UTP6: variants seen among roughly 807,000 people sequenced by gnomAD.
UTP6 encodes the protein UTP6 small subunit processome component.
Under a neutral mutation model 96.5 loss-of-function variants are expected in UTP6, and 60 were observed. The ratio of observed to expected loss-of-function variants is 0.62; its 90% CI spans 0.51 to 0.77. UTP6 has a LOEUF of 0.77. Among genes scored for constraint, UTP6 ranks in the 30% least tolerant of loss-of-function variants. UTP6 has a pLI of 0.00. For synonymous variants in UTP6, 215 were observed against 240.1 expected (o/e 0.90, Z 0.96); for missense variants, 637 against 706.5 (o/e 0.90, Z 1.12).
At position 31,892,799 on chromosome 17, in the gene UTP6, A is replaced by G. The variant is rs1240755160; in HGVS notation, c.313-5T>C. ...GAGCCAAAGTTGAACATCGTCCTGC[A>G]AGAAAAGCAATGTAGTAAGCTGCCC... is the stretch of plus-strand genomic sequence containing the variant. On this transcript the variant is annotated splice_polypyrimidine_tract_variant and splice_region_variant and intron_variant, in intron 4 of 18. Coordinates refer to ENST00000261708, the MANE Select transcript of UTP6 (RefSeq NM_018428.3). 5.6e-6 allele frequency: 9 copies of G among 1,614,056 alleles called. No individual in the cohort carries two copies. The highest frequency in any genetic ancestry group is 7.6e-6 in the Non-Finnish European group (9 of 1,180,026).
intron 14 of UTP6, 151 bp from the exon 15 acceptor site, chr17:31,873,904 G>C (rs1910339425): frequency 1.3e-6 from 1 of 776,860 alleles, no homozygotes; most frequent in Non-Finnish European, 1.9e-6. Context: ...TAAAAAGGCA[G>C]GTTCCTCCTA....
At chr17:31,898,606 G>A (rs1293295143) in intron 2 of UTP6, among the ~76,000 whole-genome samples, 1 of 152,200 alleles carries the variant, frequency 6.6e-6, no homozygotes, top group Non-Finnish European at 1.5e-5. Context: ...GCTGAGGCAG[G>A]AGAATCACTT....
intron 10 of UTP6, among the ~76,000 whole-genome samples, chr17:31,884,143 C>A (rs930282847): frequency 2.6e-5 from 4 of 151,694 alleles, no homozygotes; most frequent in African/African-American, 9.7e-5. Flanking sequence ...GGATTACAGG[C>A]ATGCACTACC....
intron 10 of UTP6, 150 bp from the exon 11 acceptor site, chr17:31,880,904 T>G: frequency 1.3e-4 from 125 of 983,814 alleles, no homozygotes; most frequent in Middle Eastern, 3.4e-4. Context: ...CCGGGCCCGG[T>G]GGCTCACGCC....
At chr17:31,864,903 A>C (rs1387292620) in intron 18 of UTP6, among the ~76,000 whole-genome samples, 1 of 151,998 alleles carries the variant, frequency 6.6e-6, no homozygotes, top group Non-Finnish European at 1.5e-5. Context: ...CCCTGAACTT[A>C]TGATCCTGAA....
At chr17:31,887,600 C>CCT (rs1911224497) in intron 7 of UTP6, 1 of 249,872 alleles carries the variant, frequency 4.0e-6, no homozygotes, top group Admixed American at 5.2e-5. Context: ...GATCCTCCTG[C>CCT]CTCAGCCTCC....
Position 31,862,123 on chromosome 17 carries a change from C to G in UTP6, c.*1236G>C, listed in dbSNP as rs1180154149. 1 of 152,134 alleles carries G rather than the reference C, an allele frequency of 6.6e-6. No homozygotes were observed. Among genetic ancestry groups the G allele is most frequent in the African/African-American group, 2.4e-5 (1 of 41,434 alleles). 9.4% of individuals were successfully genotyped at this position (152,134 alleles called of 1,614,324 possible). A position where few individuals can be genotyped will look rare whatever the true frequency, so the allele number is the denominator to read the frequency against. On this transcript the variant is annotated 3_prime_UTR_variant, in exon 19 of 19. Transcript: ENST00000261708. ...AGCCTGGCCAATATGATGAAACCCCCGCACTACTAAAAATACAAAAATTGG... is the reference window on the plus strand; with the variant it reads ...AGCCTGGCCAATATGATGAAACCCCGGCACTACTAAAAATACAAAAATTGG...
chr17:31,873,837 G>A, intron 14 of UTP6, 84 bp from the exon 15 acceptor site: 2 of 1,424,408 alleles, frequency 1.4e-6, no homozygotes, highest in Admixed American at 2.4e-5. Flanking sequence ...AAAATATTAT[G>A]TATCAATTTT....
In UTP6 at chr17:31,889,598, G is replaced by C. The variant is rs574755187; in HGVS notation, c.425-195C>G. Among the ~76,000 whole-genome samples, 93 of 149,848 alleles carry C rather than the reference G, an allele frequency of 6.2e-4. 3 individuals are homozygous for C. The South Asian group carries it at 0.019, about 30-fold the overall frequency. The stretch of plus-strand genomic sequence containing the variant: ...TACAAGCTCCGCCTCCCAGGTTCAT[G>C]CCATTCTCCTGCTTCAGTCTCCCGA... On this transcript the variant is annotated intron_variant, in intron 6 of 18. Coordinates refer to ENST00000261708, the MANE Select transcript of UTP6 (RefSeq NM_018428.3).
At chr17:31,891,556 T>G (rs952646742) in intron 6 of UTP6, among the ~76,000 whole-genome samples, 5 of 152,312 alleles carry the variant, frequency 3.3e-5, no homozygotes, top group Admixed American at 2.0e-4. Flanking sequence ...TTATACATTA[T>G]TCACAAGAGA....
At chr17:31,873,625 C>G (rs147584370) in intron 15 of UTP6, 48 bp downstream of exon 15, 48,568 of 1,612,970 alleles carry the variant, frequency 0.03, 868 homozygotes, top group Middle Eastern at 0.046. Flanking sequence ...AACCAGGGAA[C>G]CTTCTGCCAT....
intron 1 of UTP6, among the ~76,000 whole-genome samples, chr17:31,900,662 TCC>T (rs1904926056): frequency 6.6e-6 from 1 of 152,154 alleles, no homozygotes; most frequent in Non-Finnish European, 1.5e-5. Context: ...TTTCCGAAAT[TCC>T]TCTTATTTCT....
At chr17:31,863,596 A>G (rs1395852465) in intron 18 of UTP6, 80 bp from the exon 19 acceptor site, 1 of 1,296,736 alleles carries the variant, frequency 7.7e-7, no homozygotes, top group Admixed American at 2.6e-5. Flanking sequence ...TCAACTCAAG[A>G]TTTCTAAGAA....
At position 31,880,685 on chromosome 17, in the gene UTP6, C is replaced by T; in HGVS notation, c.855G>A (p.Glu285=). The change falls in exon 11 of 19, where the codon GAG becomes GAA. Residue 285 remains glutamate (E), a synonymous_variant. Coordinates refer to ENST00000261708, the MANE Select transcript of UTP6 (RefSeq NM_018428.3). The stretch of plus-strand genomic sequence containing the variant: ...TTGTAGGCTGCTCTTCTGTCTGTGA[C>T]TCAATCTCTAATTCTCGCCTTGCCA... ...DYVARRELEI[E]SQTEEQPTTK... The T allele has an allele frequency of 6.2e-7, 1 of 1,614,180 alleles. No individual in the cohort carries two copies. Among genetic ancestry groups the T allele is most frequent in the Non-Finnish European group, 8.5e-7 (1 of 1,180,034 alleles).
Position 31,901,668 on chromosome 17 carries a change from G to A in UTP6, c.-41C>T, listed in dbSNP as rs778632108. ...CAACCCCGCGGGTAGCTTCTCAACA[G>A]CGAACACGAGCAGGAAGCTCCCGGT... On this transcript the variant is annotated 5_prime_UTR_variant, in exon 1 of 19. Transcript: ENST00000261708. The A allele has an allele frequency of 2.1e-5, 34 of 1,593,640 alleles. No individual in the cohort carries two copies. Among genetic ancestry groups the A allele is most frequent in the Non-Finnish European group, 2.3e-5 (27 of 1,165,668 alleles).
At position 31,861,545 on chromosome 17, in the gene UTP6, G is replaced by A. The variant is rs1384478994; in HGVS notation, c.*1814C>T. On this transcript the variant is annotated 3_prime_UTR_variant, in exon 19 of 19. Coordinates refer to ENST00000261708, the MANE Select transcript of UTP6 (RefSeq NM_018428.3). ...GTGGGAGGATCTCTTGAGCCCAGAA[G>A]TTAAGGCTGTAGTGAGCCATGATCA... is the stretch of plus-strand genomic sequence containing the variant. 1 of 151,286 alleles carries A rather than the reference G, an allele frequency of 6.6e-6. No homozygotes were observed. 9.4% of individuals were successfully genotyped at this position (151,286 alleles called of 1,614,324 possible). A position where few individuals can be genotyped will look rare whatever the true frequency, so the allele number is the denominator to read the frequency against.
chr17:31,885,599 C>T (rs530307719), intron 9 of UTP6, among the ~76,000 whole-genome samples: 1 of 151,882 alleles, frequency 6.6e-6, no homozygotes, highest in African/African-American at 2.4e-5. Flanking sequence ...ACCAGCCTAG[C>T]CAACATAGTG....
intron 10 of UTP6, among the ~76,000 whole-genome samples, chr17:31,883,210 A>G (rs1910944182): frequency 1.3e-5 from 2 of 152,180 alleles, no homozygotes; most frequent in Middle Eastern, 3.4e-3. Context: ...ATAAAGAAAT[A>G]AAAAGAATAA....
At chr17:31,878,005 A>G (rs888811181) in intron 13 of UTP6, among the ~76,000 whole-genome samples, 4 of 151,978 alleles carry the variant, frequency 2.6e-5, no homozygotes, top group African/African-American at 7.2e-5. Context: ...GACAAACAAA[A>G]TAAACCCAAA....
Sources: allele counts gnomAD v4.1 joint callset (sites outside exome capture counted in the v4.1 genomes callset), GRCh38; gene constraint gnomAD v4.1.1; transcripts MANE v1.5; gene names NCBI Gene and HGNC (gene_info 2026-07-23, HGNC 2026-07-21).